The following PLD1 variants were observed in gnomAD, a reference collection of about 807,000 sequenced individuals.
The protein encoded by PLD1 is phospholipase D1.
A neutral mutation model predicts 137.1 loss-of-function variants in PLD1; 112 were observed. That is an observed-to-expected ratio of 0.82 (90% CI 0.70 to 0.96). PLD1 has a LOEUF of 0.96. Ranked by LOEUF, PLD1 falls within the 40% of genes least tolerant of loss-of-function variation. The probability of loss-of-function intolerance (pLI) is 0.00; values close to 1 mark genes in which losing one functional copy is unlikely to be tolerated. For missense variants in PLD1, 1,321 were observed against 1,342.0 expected (o/e 0.98, Z 0.24); for synonymous variants, 431 against 454.7 (o/e 0.95, Z 0.66).
Position 171,688,861 on chromosome 3 carries a change from C to T in PLD1, c.1354G>A (p.Asp452Asn). The T allele has an allele frequency of 6.2e-7, 1 of 1,613,340 alleles. No homozygotes were observed. The highest frequency in any genetic ancestry group is 8.5e-7 in the Non-Finnish European group (1 of 1,179,340). ...AAATAGACGGTGGATGACACATGAT[C>T]CGGGTGTCTCATCACCTTGAGAGGG... ...HPNIKVMRHP[D>N]HVSSTVYLWA... The change falls in exon 14 of 27, where the codon GAT becomes AAT. Residue 452 changes from aspartate to asparagine, a missense_variant. Physicochemically the swap from Asp to Asn is conservative, Grantham distance 23. Coordinates refer to ENST00000351298, the MANE Select transcript of PLD1 (RefSeq NM_002662.5).
intron 1 of PLD1, among the ~76,000 whole-genome samples, chr3:171,746,009 G>T (rs561541749): frequency 8.1e-6 from 1 of 122,950 alleles, no homozygotes; most frequent in East Asian, 2.1e-4. Flanking sequence ...GCCCCGGGCA[G>T]TGAGGGGCTT....
At chr3:171,633,594 A>G (rs1578149424) in intron 23 of PLD1, among the ~76,000 whole-genome samples, 1 of 152,062 alleles carries the variant, frequency 6.6e-6, no homozygotes, top group Non-Finnish European at 1.5e-5. Flanking sequence ...ATGTAACAAA[A>G]CTGCACGTTC....
At chr3:171,642,415 C>A in intron 23 of PLD1, among the ~76,000 whole-genome samples, 1 of 143,702 alleles carries the variant, frequency 7.0e-6, no homozygotes, top group South Asian at 2.2e-4. Flanking sequence ...TGGGACCACA[C>A]CATTGCACTC....
chr3:171,711,126 C>G (rs1478750551), intron 9 of PLD1, among the ~76,000 whole-genome samples: 3 of 150,530 alleles, frequency 2.0e-5, no homozygotes, highest in Non-Finnish European at 4.4e-5. Flanking sequence ...GCCTCGGCCT[C>G]CCAAAGTGCT....
In PLD1 at chr3:171,770,888, C is replaced by CAAAAAAAAAAAAAAAAAAA. The variant is rs34683994; in HGVS notation, c.-31-32825_-31-32807dup. 2.6e-3 allele frequency among the ~76,000 whole-genome samples: 105 copies of CAAAAAAAAAAAAAAAAAAA among 40,868 alleles called. 3 individuals are homozygous for CAAAAAAAAAAAAAAAAAAA. The highest frequency in any genetic ancestry group is 8.1e-3 in the African/African-American group (102 of 12,592). 26.8% of individuals were successfully genotyped at this position (40,868 alleles called of 152,430 possible). A position where few individuals can be genotyped will look rare whatever the true frequency, so the allele number is the denominator to read the frequency against. On this transcript the variant is annotated intron_variant, in intron 1 of 26. Coordinates refer to ENST00000351298, the MANE Select transcript of PLD1 (RefSeq NM_002662.5). ...TTGGTGACAGAGCAAAACCCTATCT[C>CAAAAAAAAAAAAAAAAAAA]AAAAAAAAAAAAAAAAAAAAAAAGG...
In PLD1 at chr3:171,688,796, C is replaced by A. The variant is rs758110993; in HGVS notation, c.1419G>T (p.Ser473=). 3.2e-5 allele frequency: 51 copies of A among 1,613,896 alleles called. No individual in the cohort carries two copies. In the East Asian group the frequency reaches 1.0e-3, roughly 33 times the overall value. Reference sequence around the variant, plus strand: ...GGTCAATCCCTCCCACAAAGGCCACCGATTGGTCAATGATGACAAGCTTCT... The same window carrying A: ...GGTCAATCCCTCCCACAAAGGCCACAGATTGGTCAATGATGACAAGCTTCT... The part of the protein sequence containing the change: ...HHEKLVIIDQ[S]VAFVGGIDLA... The change falls in exon 14 of 27, where the codon TCG becomes TCT. Residue 473 remains serine, a synonymous_variant. Coordinates refer to ENST00000351298, the MANE Select transcript of PLD1 (RefSeq NM_002662.5).
intron 11 of PLD1, among the ~76,000 whole-genome samples, chr3:171,706,078 G>A (rs924475000): frequency 6.6e-6 from 1 of 152,054 alleles, no homozygotes; most frequent in Non-Finnish European, 1.5e-5. Context: ...ACCATAAGCT[G>A]CAGAAAGAAA....
chr3:171,689,986 T>G (rs1236683873), intron 13 of PLD1, among the ~76,000 whole-genome samples: 1 of 152,210 alleles, frequency 6.6e-6, no homozygotes, highest in East Asian at 1.9e-4. Context: ...CCTCATTAAA[T>G]GTTTGGTAGA....
chr3:171,640,475 A>G (rs1280328662), intron 23 of PLD1, among the ~76,000 whole-genome samples: 1 of 152,172 alleles, frequency 6.6e-6, no homozygotes, highest in African/African-American at 2.4e-5. Flanking sequence ...TGAATTCCCA[A>G]CATTTCCTTT....
chr3:171,740,977 T>C (rs903477885), intron 1 of PLD1, among the ~76,000 whole-genome samples: 2 of 152,346 alleles, frequency 1.3e-5, no homozygotes, highest in Non-Finnish European at 2.9e-5. Context: ...CCATAATTAC[T>C]TTTATTTTAT....
intron 18 of PLD1, among the ~76,000 whole-genome samples, chr3:171,675,096 G>A: frequency 6.6e-6 from 1 of 151,702 alleles, no homozygotes; most frequent in East Asian, 1.9e-4. Flanking sequence ...GATTATTTGT[G>A]TTTGTTTTCT....
chr3:171,733,719 T>C (rs568321325), intron 5 of PLD1, among the ~76,000 whole-genome samples: 2 of 152,338 alleles, frequency 1.3e-5, no homozygotes, highest in South Asian at 4.1e-4. Context: ...AATATCTTCT[T>C]ACTGTTTAAC....
intron 12 of PLD1, among the ~76,000 whole-genome samples, chr3:171,697,439 G>A (rs1490196936): frequency 1.3e-5 from 2 of 151,580 alleles, no homozygotes; most frequent in African/African-American, 2.4e-5. Context: ...TAGAGACGGG[G>A]TCCGACACAT....
chr3:171,701,558 T>C (rs752717760), intron 11 of PLD1, among the ~76,000 whole-genome samples: 49 of 152,252 alleles, frequency 3.2e-4, no homozygotes, highest in Non-Finnish European at 6.3e-4. Context: ...TGTACCCTTG[T>C]ATGCTAAGCA....
At chr3:171,759,635 T>C (rs957339318) in intron 1 of PLD1, among the ~76,000 whole-genome samples, 2 of 152,212 alleles carry the variant, frequency 1.3e-5, no homozygotes, top group Non-Finnish European at 2.9e-5. Context: ...GCTAGAGAAT[T>C]CCATTCCTGA....
chr3:171,791,001 T>C (rs997574985), intron 1 of PLD1, among the ~76,000 whole-genome samples: 2 of 152,252 alleles, frequency 1.3e-5, no homozygotes, highest in African/African-American at 4.8e-5. Context: ...TTCACTGCTA[T>C]GTACATAGGA....
At position 171,692,417 on chromosome 3, in the gene PLD1, A is replaced by C. The variant is rs758580896; in HGVS notation, c.1253T>G (p.Met418Arg). The C allele has an allele frequency of 6.3e-7, 1 of 1,593,744 alleles. No individual in the cohort carries two copies. Among genetic ancestry groups the C allele is most frequent in the Non-Finnish European group, 8.6e-7 (1 of 1,161,456 alleles). ...KAQQGVRIFI[M>R]LYKEVELALG... Reference sequence around the variant, plus strand: ...AGCGAGTTCCACCTCTTTGTAGAGCATTATGAAGATCCTCACTCCTTGTTG... The same window carrying C: ...AGCGAGTTCCACCTCTTTGTAGAGCCTTATGAAGATCCTCACTCCTTGTTG... The change falls in exon 13 of 27, where the codon ATG (methionine) becomes AGG (arginine). Residue 418 changes from methionine to arginine, a missense_variant. Transcript: ENST00000351298.
chr3:171,702,140 C>G (rs149818593), intron 11 of PLD1, among the ~76,000 whole-genome samples: 80 of 152,158 alleles, frequency 5.3e-4, no homozygotes, highest in African/African-American at 1.7e-3. Context: ...TAGATGTTGA[C>G]TCTTTGAAAT....
rs200078686 is a variant in PLD1, at chr3:171,676,772, G to C, written c.2058C>G (p.His686Gln). Reference sequence around the variant, plus strand: ...GTGCCACATCACGAGCCGCCTTCCCGTGGACTGCAGAGGCAATGTCATGCC... The same window carrying C: ...GTGCCACATCACGAGCCGCCTTCCCCTGGACTGCAGAGGCAATGTCATGCC... ...MPWHDIASAV[H>Q]GKAARDVARH... is the part of the protein sequence containing the mutation. The change falls in exon 18 of 27, where the codon CAC becomes CAG. Residue 686 changes from histidine to glutamine, a missense_variant. Coordinates refer to ENST00000351298, the MANE Select transcript of PLD1 (RefSeq NM_002662.5). 6.2e-7 allele frequency: 1 copy of C among 1,614,040 alleles called. No individual in the cohort carries two copies. Among genetic ancestry groups the C allele is most frequent in the Non-Finnish European group, 8.5e-7 (1 of 1,180,008 alleles).
Sources: gnomAD v4.1 joint callset for allele counts (sites outside exome capture counted in the v4.1 genomes callset) on GRCh38, gnomAD v4.1.1 for gene constraint, MANE v1.5 for transcripts, NCBI Gene and HGNC (gene_info 2026-07-23, HGNC 2026-07-21) for gene names.